Variants in FTO observed in about 807,000 individuals in gnomAD.
FTO encodes FTO alpha-ketoglutarate dependent dioxygenase.
Under a neutral mutation model 63.9 loss-of-function variants are expected in FTO, and 47 were observed. The observed-to-expected ratio is 0.74, with a 90% CI of 0.58 to 0.94. The LOEUF (loss-of-function observed/expected upper bound fraction) is 0.94. Ranked by LOEUF, FTO falls within the 40% of genes least tolerant of loss-of-function variation. FTO has a pLI of 0.00. For missense variants in FTO, 562 were observed against 618.1 expected (o/e 0.91, Z 0.96); for synonymous variants, 207 against 224.4 (o/e 0.92, Z 0.69).
chr16:53,895,457 C>G (rs533143696), intron 7 of FTO, among the ~76,000 whole-genome samples: 1 of 152,124 alleles, frequency 6.6e-6, no homozygotes, highest in Non-Finnish European at 1.5e-5. Context: ...TTTTAGAAAC[C>G]GTCTGATAGT....
rs184483821 is a variant in FTO, at chr16:54,093,328, A to T, written c.1365-18434A>T. Reference sequence around the variant, plus strand: ...TATCAGCTAGCGCGGCAGAAAACGCATAATGGAGCCTCCGTAAAGTATTCT... The same window carrying T: ...TATCAGCTAGCGCGGCAGAAAACGCTTAATGGAGCCTCCGTAAAGTATTCT... On this transcript the variant is annotated intron_variant, in intron 8 of 8. Transcript: ENST00000471389. Among the ~76,000 whole-genome samples the T allele has an allele frequency of 2.3e-3, 355 of 152,366 alleles. 1 individual carries two copies. Among genetic ancestry groups the T allele is most frequent in the Non-Finnish European group, 4.1e-3 (281 of 68,034 alleles).
chr16:53,809,480 G>A (rs961564457), intron 1 of FTO, among the ~76,000 whole-genome samples: 11 of 152,144 alleles, frequency 7.2e-5, no homozygotes, highest in Non-Finnish European at 1.6e-4. Flanking sequence ...TATACAGACA[G>A]GCGTTTGCTC....
At chr16:54,088,613 A>G (rs187986719) in intron 8 of FTO, among the ~76,000 whole-genome samples, 1 of 152,314 alleles carries the variant, frequency 6.6e-6, no homozygotes, top group East Asian at 1.9e-4. Flanking sequence ...ATGCCCCACA[A>G]ATAAACAGAT....
chr16:53,720,442 A>T (rs865828026), intron 1 of FTO, among the ~76,000 whole-genome samples: 1 of 151,726 alleles, frequency 6.6e-6, no homozygotes, highest in East Asian at 1.9e-4. Context: ...AGAAATTATC[A>T]AGTTCTTAGG....
At chr16:53,907,812 T>G (rs1411453723) in intron 7 of FTO, among the ~76,000 whole-genome samples, 2 of 152,198 alleles carry the variant, frequency 1.3e-5, no homozygotes, top group East Asian at 3.8e-4. Flanking sequence ...TTCTACTCAC[T>G]TTTAAGATAC....
At chr16:53,720,588 T>C (rs947661547) in intron 1 of FTO, among the ~76,000 whole-genome samples, 1 of 147,730 alleles carries the variant, frequency 6.8e-6, no homozygotes, top group African/African-American at 2.5e-5. Flanking sequence ...ATTATTTCTT[T>C]GTATTAGGAA....
rs139580985 is a variant in FTO at position 53,785,746 on chromosome 16, C to T, written c.46-24394C>T. Among the ~76,000 whole-genome samples the T allele has an allele frequency of 1.5e-3, 231 of 151,946 alleles. 1 individual carries two copies. Among genetic ancestry groups the T allele is most frequent in the East Asian group, 0.014 (71 of 5,162 alleles). On this transcript the variant is annotated intron_variant, in intron 1 of 8. Coordinates refer to ENST00000471389, the MANE Select transcript of FTO (RefSeq NM_001080432.3). Reference sequence around the variant, plus strand: ...CCAACATGGTGAAACCCGGTCTCTACTAAAAATACAAAAATTAGCTGGGCG... The same window carrying T: ...CCAACATGGTGAAACCCGGTCTCTATTAAAAATACAAAAATTAGCTGGGCG...
chr16:53,962,387 G>C (rs540939033), intron 8 of FTO, among the ~76,000 whole-genome samples: 1 of 152,250 alleles, frequency 6.6e-6, no homozygotes, highest in Admixed American at 6.5e-5. Context: ...AGACATAGCA[G>C]GGCTCTGTCA....
At chr16:53,755,213 A>G (rs778446697) in intron 1 of FTO, among the ~76,000 whole-genome samples, 10 of 152,246 alleles carry the variant, frequency 6.6e-5, no homozygotes, top group Admixed American at 1.3e-4. Flanking sequence ...TTTGGGCACC[A>G]GCCAAATGTC....
rs57004473 is a variant in FTO at position 53,852,101 on chromosome 16, C to CAAAAAAAAAAAAAAA, written c.895+7808_895+7822dup. On this transcript the variant is annotated intron_variant, in intron 4 of 8. Coordinates refer to ENST00000471389, the MANE Select transcript of FTO (RefSeq NM_001080432.3). The stretch of plus-strand genomic sequence containing the variant: ...CAAAACTCTGTCTCTACAAAAAATA[C>CAAAAAAAAAAAAAAA]AAAAAAAAAAAAAAAAAAAGCCAGG... Among the ~76,000 whole-genome samples the CAAAAAAAAAAAAAAA allele has an allele frequency of 3.5e-3, 190 of 54,398 alleles. 7 individuals are homozygous for CAAAAAAAAAAAAAAA. The highest frequency in any genetic ancestry group is 6.1e-3 in the East Asian group (11 of 1,806). The allele number at this position is 54,398 out of a possible 152,430, so 35.7% of individuals were successfully genotyped here. A position where few individuals can be genotyped will look rare whatever the true frequency, so the allele number is the denominator to read the frequency against.
chr16:53,707,894 C>G (rs959974575), intron 1 of FTO, among the ~76,000 whole-genome samples: 1 of 152,310 alleles, frequency 6.6e-6, no homozygotes, highest in Non-Finnish European at 1.5e-5. Context: ...TCTACTTCCT[C>G]CCTAGGGAAC....
rs113837913 is a variant in FTO, at chr16:53,749,483, C to G, written c.45+45254C>G. 9.6e-3 allele frequency among the ~76,000 whole-genome samples: 1,449 copies of G among 151,010 alleles called. 21 individuals carry two copies. The highest frequency in any genetic ancestry group is 0.04 in the East Asian group (204 of 5,106). ...GACGAAGTCTTCGCTCTGTGGCCCA[C>G]GCGGGAGTGCAGTGGCGCAATCTCG... is the stretch of plus-strand genomic sequence containing the variant. On this transcript the variant is annotated intron_variant, in intron 1 of 8. Transcript: ENST00000471389.
chr16:53,884,155 T>A (rs2151898753), intron 6 of FTO, among the ~76,000 whole-genome samples: 1 of 152,326 alleles, frequency 6.6e-6, no homozygotes, highest in South Asian at 2.1e-4. Context: ...TTTCGGAAGT[T>A]TGGGCATATG....
intron 8 of FTO, among the ~76,000 whole-genome samples, chr16:53,946,320 G>C (rs552804930): frequency 6.6e-6 from 1 of 152,202 alleles, no homozygotes; most frequent in Non-Finnish European, 1.5e-5. Flanking sequence ...ATGCGTGAAA[G>C]AAATAGGTTA....
chr16:53,962,520 C>A (rs1330263327), intron 8 of FTO, among the ~76,000 whole-genome samples: 2 of 152,166 alleles, frequency 1.3e-5, no homozygotes, highest in African/African-American at 4.8e-5. Context: ...CGTCGAAGTA[C>A]TAGAAGAGAG....
chr16:54,062,893 C>T (rs2085618494), intron 8 of FTO, among the ~76,000 whole-genome samples: 1 of 152,174 alleles, frequency 6.6e-6, no homozygotes, highest in Non-Finnish European at 1.5e-5. Context: ...ATTGGAAATC[C>T]TGCCCAACAC....
intron 1 of FTO, among the ~76,000 whole-genome samples, chr16:53,781,960 G>A (rs578023128): frequency 3.4e-4 from 51 of 152,128 alleles, no homozygotes; most frequent in African/African-American, 1.1e-3. Flanking sequence ...TATGTAATGG[G>A]GATTCATATG....
intron 6 of FTO, among the ~76,000 whole-genome samples, chr16:53,886,258 A>G (rs1261807144): frequency 6.6e-6 from 1 of 152,198 alleles, no homozygotes; most frequent in African/African-American, 2.4e-5. Flanking sequence ...ATTACATATG[A>G]TAATCTATTT....
intron 1 of FTO, among the ~76,000 whole-genome samples, chr16:53,785,835 G>A (rs946280838): frequency 4.6e-5 from 7 of 151,636 alleles, no homozygotes; most frequent in African/African-American, 4.8e-5. Flanking sequence ...GCTTGAACCC[G>A]GGAGGCGGAG....
Sources: allele counts gnomAD v4.1 joint callset (sites outside exome capture counted in the v4.1 genomes callset), GRCh38; gene constraint gnomAD v4.1.1; transcripts MANE v1.5; gene names NCBI Gene and HGNC (gene_info 2026-07-23, HGNC 2026-07-21).